NTM: variants seen among roughly 807,000 people sequenced by gnomAD.
NTM encodes the protein neurotrimin.
NTM carries 13 observed loss-of-function variants against 42.1 expected under a neutral mutation model. The observed-to-expected ratio is 0.31, with a 90% CI of 0.20 to 0.49. NTM has a LOEUF of 0.49. NTM is among the 20% of genes least tolerant of loss of function. The pLI, the probability that NTM is intolerant of heterozygous loss-of-function variation, is 0.99. For missense variants in NTM, 373 were observed against 452.8 expected (o/e 0.82, Z 1.60); for synonymous variants, 187 against 179.2 (o/e 1.04, Z -0.35).
chr11:131,492,997 CG>C (rs1954956807), intron 1 of NTM, among the ~76,000 whole-genome samples: 1 of 152,050 alleles, frequency 6.6e-6, no homozygotes, highest in South Asian at 2.1e-4. Context: ...GCAGGCAGAT[CG>C]CTTGAGCCCA....
chr11:132,324,654 C>T (rs1458364480), intron 7 of NTM, among the ~76,000 whole-genome samples: 1 of 31,544 alleles, frequency 3.2e-5, no homozygotes, highest in Admixed American at 3.6e-4. Context: ...ACTTTCTTCA[C>T]AGAATTGGAA....
intron 2 of NTM, among the ~76,000 whole-genome samples, chr11:131,980,045 C>T (rs1454992684): frequency 6.6e-6 from 1 of 152,152 alleles, no homozygotes; most frequent in East Asian, 1.9e-4. Context: ...CGATTCCTTG[C>T]TGTTTTGAAA....
chr11:131,881,508 A>ACACACAC (rs1357636852), intron 1 of NTM, among the ~76,000 whole-genome samples: 1 of 116,230 alleles, frequency 8.6e-6, no homozygotes, highest in African/African-American at 2.8e-5. Flanking sequence ...ACACACACAC[A>ACACACAC]CCCCCCAAAG....
At chr11:131,513,949 C>A (rs1293793508) in intron 1 of NTM, among the ~76,000 whole-genome samples, 1 of 152,106 alleles carries the variant, frequency 6.6e-6, no homozygotes, top group Admixed American at 6.5e-5. Context: ...ACCCTCCTGA[C>A]AGAAGCATGC....
At chr11:132,217,004 G>A (rs1483183309) in intron 4 of NTM, among the ~76,000 whole-genome samples, 1 of 152,208 alleles carries the variant, frequency 6.6e-6, no homozygotes, top group African/African-American at 2.4e-5. Flanking sequence ...TTTGCAAGAA[G>A]AGAGGAGGCT....
intron 2 of NTM, among the ~76,000 whole-genome samples, chr11:132,105,390 A>G (rs1435899570): frequency 6.6e-6 from 1 of 152,196 alleles, no homozygotes; most frequent in Non-Finnish European, 1.5e-5. Flanking sequence ...AGAAAACTGT[A>G]GAAAAGAGAG....
At chr11:132,245,124 C>T (rs2090907258) in intron 4 of NTM, among the ~76,000 whole-genome samples, 1 of 152,148 alleles carries the variant, frequency 6.6e-6, no homozygotes, top group African/African-American at 2.4e-5. Flanking sequence ...GAGAGGTTCC[C>T]CGGCCCCTGC....
intron 2 of NTM, among the ~76,000 whole-genome samples, chr11:132,095,628 C>G (rs34776743): frequency 0.67 from 102,513 of 152,056 alleles, 35,022 homozygotes; most frequent in Middle Eastern, 0.76. Context: ...CTTCAGTAGT[C>G]GGCATGCATG....
At chr11:132,216,271 T>A (rs376159768) in intron 4 of NTM, among the ~76,000 whole-genome samples, 1 of 152,234 alleles carries the variant, frequency 6.6e-6, no homozygotes, top group Admixed American at 6.5e-5. Context: ...CTTATTGTTA[T>A]GTTACCAGTT....
chr11:131,579,353 G>GA (rs1435972082), intron 1 of NTM, among the ~76,000 whole-genome samples: 2 of 152,214 alleles, frequency 1.3e-5, no homozygotes, highest in Non-Finnish European at 1.5e-5. Context: ...CAAGTTACAA[G>GA]AGTGAGGTTC....
At chr11:131,728,451 G>A (rs1265083321) in intron 1 of NTM, among the ~76,000 whole-genome samples, 1 of 152,166 alleles carries the variant, frequency 6.6e-6, no homozygotes, top group Non-Finnish European at 1.5e-5. Flanking sequence ...TGAGGTACAG[G>A]GGAAGAGGCA....
At chr11:131,486,721 A>G (rs1156385461) in intron 1 of NTM, among the ~76,000 whole-genome samples, 2 of 152,120 alleles carry the variant, frequency 1.3e-5, no homozygotes, top group Non-Finnish European at 2.9e-5. Context: ...GCAGCCTGTC[A>G]CCTTCTTCCT....
chr11:132,017,005 G>A (rs564338945), intron 2 of NTM, among the ~76,000 whole-genome samples: 111 of 151,970 alleles, frequency 7.3e-4, no homozygotes, highest in Non-Finnish European at 1.5e-3. Flanking sequence ...ATCTTCTTAT[G>A]TTGTAAGAAT....
Position 132,232,787 on chromosome 11 carries a change from C to A in NTM, c.526+20640C>A, listed in dbSNP as rs576203930. Among the ~76,000 whole-genome samples, 13 of 152,242 alleles carry A rather than the reference C, an allele frequency of 8.5e-5. No individual in the cohort carries two copies. The East Asian group carries it at 2.3e-3, about 27-fold the overall frequency. ...GTGCCAAGAAAATAAAAAAGGCAGA[C>A]AGGAGAGGTGTAAACCCACCACAGA... On this transcript the variant is annotated intron_variant, in intron 4 of 8. Coordinates refer to ENST00000683400, the MANE Select transcript of NTM (RefSeq NM_001352005.2).
At chr11:132,030,954 A>G (rs2075837797) in intron 2 of NTM, among the ~76,000 whole-genome samples, 1 of 152,116 alleles carries the variant, frequency 6.6e-6, no homozygotes, top group South Asian at 2.1e-4. Context: ...TCTTCCACAT[A>G]TGTTCATTCT....
chr11:131,861,367 G>T (rs1428282272), intron 1 of NTM, among the ~76,000 whole-genome samples: 1 of 152,078 alleles, frequency 6.6e-6, no homozygotes, highest in African/African-American at 2.4e-5. Context: ...AGGGGCTTGG[G>T]TGGCCCCTCC....
chr11:131,568,264 G>C (rs1285480528), intron 1 of NTM, among the ~76,000 whole-genome samples: 2 of 152,186 alleles, frequency 1.3e-5, no homozygotes, highest in Non-Finnish European at 2.9e-5. Flanking sequence ...CTCAGTCCTG[G>C]ACTATACCTC....
At chr11:131,876,772 C>G (rs2048595565) in intron 1 of NTM, among the ~76,000 whole-genome samples, 1 of 152,024 alleles carries the variant, frequency 6.6e-6, no homozygotes, top group Non-Finnish European at 1.5e-5. Flanking sequence ...TATGCTAGAA[C>G]CGTAGTGCAA....
intron 2 of NTM, among the ~76,000 whole-genome samples, chr11:132,021,046 CTTTG>C (rs758983387): frequency 5.0e-4 from 76 of 152,094 alleles, no homozygotes; most frequent in Non-Finnish European, 7.4e-4. Context: ...CACTCTGAGG[CTTTG>C]TTTATTTTTC....
Sources: allele counts gnomAD v4.1 joint callset (sites outside exome capture counted in the v4.1 genomes callset), GRCh38; gene constraint gnomAD v4.1.1; transcripts MANE v1.5; gene names NCBI Gene and HGNC (gene_info 2026-07-23, HGNC 2026-07-21).